Variants in ZFHX3 observed in about 807,000 individuals in gnomAD.
ZFHX3 encodes zinc finger homeobox 3.
Under a neutral mutation model 279.1 loss-of-function variants are expected in ZFHX3, and 42 were observed. The ratio of observed to expected loss-of-function variants is 0.15; its 90% confidence interval spans 0.12 to 0.19. ZFHX3 has a LOEUF of 0.19. Ranked by LOEUF, ZFHX3 falls within the 10% of genes least tolerant of loss-of-function variation. The pLI is 1.00. For missense variants in ZFHX3, 4,981 were observed against 4,754.0 expected (o/e 1.05, Z -1.40); for synonymous variants, 2,293 against 1,957.8 (o/e 1.17, Z -4.52).
intron 1 of ZFHX3, among the ~76,000 whole-genome samples, chr16:72,998,752 G>A (rs1045970615): frequency 8.5e-5 from 13 of 152,158 alleles, no homozygotes; most frequent in African/African-American, 3.1e-4. Flanking sequence ...AGAACTTACC[G>A]CTGCTCAAGA....
rs71391493 is a variant in ZFHX3 at position 73,135,861 on chromosome 16, C to CTTT, written c.-1023-4770_-1023-4768dup. Among the ~76,000 whole-genome samples the CTTT allele has an allele frequency of 2.9e-3, 416 of 143,674 alleles. 1 individual carries two copies. Among genetic ancestry groups the CTTT allele is most frequent in the Middle Eastern group, 0.011 (3 of 272 alleles). The allele number at this position is 143,674 out of a possible 152,430, so 94.3% of individuals were successfully genotyped here. A position where few individuals can be genotyped will look rare whatever the true frequency, so the allele number is the denominator to read the frequency against. On this transcript the variant is annotated intron_variant, in intron 6 of 17. Coordinates refer to the ZFHX3 transcript ENST00000641206. ...TAGGCTCACTTCACTTATTTATATT[C>CTTT]TTTTTTTTTTTTTTGAGACAGAATC...
At chr16:73,694,125 C>A (rs979180381) in intron 1 of ZFHX3, among the ~76,000 whole-genome samples, 2 of 151,734 alleles carry the variant, frequency 1.3e-5, no homozygotes, top group African/African-American at 2.4e-5. Context: ...GAGTTCAAGA[C>A]CAGCCTGGCC....
intron 3 of ZFHX3, among the ~76,000 whole-genome samples, chr16:73,411,391 C>T (rs984171089): frequency 2.6e-5 from 4 of 152,194 alleles, no homozygotes; most frequent in Non-Finnish European, 5.9e-5. Context: ...TATGATTTTT[C>T]AAGAGTGTTG....
intron 1 of ZFHX3, among the ~76,000 whole-genome samples, chr16:73,799,435 T>A (rs987437634): frequency 6.6e-6 from 1 of 152,112 alleles, no homozygotes; most frequent in Non-Finnish European, 1.5e-5. Flanking sequence ...GCAGAGTGAA[T>A]TGAGGCAGGT....
intron 7 of ZFHX3, among the ~76,000 whole-genome samples, chr16:73,128,528 C>G (rs1255248516): frequency 3.3e-5 from 5 of 152,086 alleles, no homozygotes; most frequent in African/African-American, 1.2e-4. Flanking sequence ...AGCACTTTTT[C>G]TTAACCATTT....
intron 1 of ZFHX3, among the ~76,000 whole-genome samples, chr16:73,032,390 C>T (rs1964737546): frequency 6.6e-6 from 1 of 152,110 alleles, no homozygotes; most frequent in Non-Finnish European, 1.5e-5. Flanking sequence ...TACAAGGCAT[C>T]CATTCCTAAC....
At chr16:73,215,859 G>T (rs931481255) in intron 5 of ZFHX3, among the ~76,000 whole-genome samples, 1 of 151,864 alleles carries the variant, frequency 6.6e-6, no homozygotes, top group East Asian at 1.9e-4. Context: ...GGAGAGAGAG[G>T]TGTGTGTGTG....
chr16:72,985,550 G>A (rs1435841125), intron 1 of ZFHX3, among the ~76,000 whole-genome samples: 4 of 152,300 alleles, frequency 2.6e-5, no homozygotes, highest in Admixed American at 6.5e-5. Flanking sequence ...GGGAAGAAAT[G>A]GAATTTTCGC....
At chr16:73,802,172 T>A (rs550881595) in intron 1 of ZFHX3, among the ~76,000 whole-genome samples, 10 of 152,218 alleles carry the variant, frequency 6.6e-5, no homozygotes, top group East Asian at 1.9e-4. Flanking sequence ...CTTTTTTTTT[T>A]AAATAAGTTG....
chr16:73,401,842 G>A (rs544471996), intron 3 of ZFHX3: 10 of 152,294 alleles, frequency 6.6e-5, no homozygotes, highest in African/African-American at 2.2e-4. Flanking sequence ...AATGTGTGTG[G>A]AGGCTTACAC....
At position 73,661,669 on chromosome 16, in the gene ZFHX3, T is replaced by G. The variant is rs185491989; in HGVS notation, c.-1547+18511A>C. Among the ~76,000 whole-genome samples, 36 of 149,786 alleles carry G rather than the reference T, an allele frequency of 2.4e-4. 1 individual carries two copies. The highest frequency in any genetic ancestry group is 1.1e-3 in the South Asian group (5 of 4,716). On this transcript the variant is annotated intron_variant, in intron 2 of 17. Coordinates refer to the ZFHX3 transcript ENST00000641206. Reference sequence around the variant, plus strand: ...CCCGGGAGGTGAAGGTTGCAGTGAGTTGAGATCCTGCCTCTGCACTCCAGC... The same window carrying G: ...CCCGGGAGGTGAAGGTTGCAGTGAGGTGAGATCCTGCCTCTGCACTCCAGC...
At position 73,019,317 on chromosome 16, in the gene ZFHX3, C is replaced by G. The variant is rs1964212440; in HGVS notation, c.-50+28435G>C. 2.0e-5 allele frequency among the ~76,000 whole-genome samples: 3 copies of G among 147,432 alleles called. No homozygotes were observed. In the South Asian group the frequency reaches 6.7e-4, roughly 33 times the overall value. ...CCCAGAAGGGCCTCTGAATCCTCCACCAGCGTGTGCGTGTGTGTGTCTGTG... is the reference window on the plus strand; with the variant it reads ...CCCAGAAGGGCCTCTGAATCCTCCAGCAGCGTGTGCGTGTGTGTGTCTGTG... On this transcript the variant is annotated intron_variant, in intron 1 of 9. Coordinates refer to ENST00000268489, the MANE Select transcript of ZFHX3 (RefSeq NM_006885.4).
intron 3 of ZFHX3, among the ~76,000 whole-genome samples, chr16:73,446,481 G>T (rs888893949): frequency 6.6e-6 from 1 of 152,272 alleles, no homozygotes; most frequent in Middle Eastern, 3.4e-3. Context: ...AGAACAGCAT[G>T]GGGAAACCTC....
intron 1 of ZFHX3, among the ~76,000 whole-genome samples, chr16:73,025,467 T>G (rs1964464021): frequency 2.0e-5 from 3 of 152,268 alleles, no homozygotes; most frequent in Admixed American, 2.0e-4. Flanking sequence ...CCCCGTATTG[T>G]GGAGCCCTCA....
At chr16:73,111,730 A>T (rs1266211765) in intron 7 of ZFHX3, among the ~76,000 whole-genome samples, 3 of 151,570 alleles carry the variant, frequency 2.0e-5, no homozygotes, top group Non-Finnish European at 4.4e-5. Flanking sequence ...AGAAAAGAAA[A>T]GGACAGAGGG....
At chr16:72,912,556 CTTT>C (rs1438151579) in intron 3 of ZFHX3, among the ~76,000 whole-genome samples, 2 of 152,070 alleles carry the variant, frequency 1.3e-5, no homozygotes, top group Non-Finnish European at 1.5e-5. Context: ...GTCAAAAAGG[CTTT>C]TTAAGACTTT....
chr16:73,016,924 G>GAA (rs60459224), intron 1 of ZFHX3, among the ~76,000 whole-genome samples: 3 of 147,960 alleles, frequency 2.0e-5, no homozygotes, highest in East Asian at 3.9e-4. Flanking sequence ...ATGCACCTTT[G>GAA]AAAAAAAAAA....
intron 2 of ZFHX3, among the ~76,000 whole-genome samples, chr16:73,536,828 T>C (rs2019910493): frequency 6.6e-6 from 1 of 152,204 alleles, no homozygotes; most frequent in African/African-American, 2.4e-5. Flanking sequence ...AATCTGCTGT[T>C]ATTAAAATGA....
chr16:72,995,933 G>A (rs552212978), intron 1 of ZFHX3, among the ~76,000 whole-genome samples: 1 of 152,294 alleles, frequency 6.6e-6, no homozygotes, highest in South Asian at 2.1e-4. Context: ...TTCTGCTCAG[G>A]AGGCACTGTC....
Sources: allele counts gnomAD v4.1 joint callset (sites outside exome capture counted in the v4.1 genomes callset), GRCh38; gene constraint gnomAD v4.1.1; transcripts MANE v1.5; gene names NCBI Gene and HGNC (gene_info 2026-07-23, HGNC 2026-07-21).